The following ZFP2 variants were observed in gnomAD, a reference collection of about 807,000 sequenced individuals.
The protein encoded by ZFP2 is ZFP2 zinc finger protein.
A neutral mutation model predicts 36.1 loss-of-function variants in ZFP2; 33 were observed. The ratio of observed to expected loss-of-function variants is 0.92; its 90% CI spans 0.69 to 1.22. The LOEUF is 1.22. Ranked by LOEUF, ZFP2 falls within the 50% of genes most tolerant of loss-of-function variation. The pLI, the probability that ZFP2 is intolerant of heterozygous loss-of-function variation, is 0.00. For missense variants in ZFP2, 522 were observed against 551.4 expected (o/e 0.95, Z 0.53); for synonymous variants, 170 against 178.0 (o/e 0.96, Z 0.36).
rs1758610586 is a variant in ZFP2 at position 178,923,841 on chromosome 5, T to C, written c.-78+7131T>C. ...GTATACTGAATCCTACTATTAAGTTTTCTGTAGTACAAAAATATGTTTGAA... is the reference window on the plus strand; with the variant it reads ...GTATACTGAATCCTACTATTAAGTTCTCTGTAGTACAAAAATATGTTTGAA... On this transcript the variant is annotated intron_variant, in intron 4 of 4. Transcript: ENST00000361362. Among the ~76,000 whole-genome samples the C allele has an allele frequency of 1.3e-5, 2 of 149,306 alleles. 1 individual carries two copies. The highest frequency in any genetic ancestry group is 3.0e-5 in the Non-Finnish European group (2 of 66,524).
rs749730634 is a variant in ZFP2, at chr5:178,932,337, A to C, written c.1024A>C (p.Thr342Pro). ...AGCTTTCAGTAAGAATTCATCTCTA[A>C]CTCAACATCGGAGAATTCACACTGG... Reference protein sequence around the residue: ...GKAFSKNSSLTQHRRIHTGEK... With the variant: ...GKAFSKNSSLPQHRRIHTGEK... Residue 342 changes from threonine to proline, a missense_variant, in exon 5 of 5, where the codon ACT (threonine) becomes CCT (proline). Coordinates refer to ENST00000361362, the MANE Select transcript of ZFP2 (RefSeq NM_030613.4). The C allele has an allele frequency of 3.7e-6, 6 of 1,614,198 alleles. No homozygotes were observed. The Middle Eastern group carries it at 4.9e-4, about 133-fold the overall frequency.
At chr5:178,918,398 T>C (rs1282375591) in intron 4 of ZFP2, among the ~76,000 whole-genome samples, 2 of 152,146 alleles carry the variant, frequency 1.3e-5, no homozygotes, top group Admixed American at 6.5e-5. Flanking sequence ...GGAAGAAATA[T>C]AAAAGGAGAA....
intron 1 of ZFP2, among the ~76,000 whole-genome samples, chr5:178,900,454 C>T (rs1758032616): frequency 2.9e-5 from 2 of 68,508 alleles, no homozygotes; most frequent in Non-Finnish European, 6.4e-5. Context: ...CCAGTGTCCT[C>T]GTGCCACTTC....
At chr5:178,896,694 A>C (rs1354475440) in intron 1 of ZFP2, among the ~76,000 whole-genome samples, 1 of 152,228 alleles carries the variant, frequency 6.6e-6, no homozygotes, top group Non-Finnish European at 1.5e-5. Flanking sequence ...CTCCATCTGC[A>C]TGGCAGCGTG....
chr5:178,917,823 T>A (rs1044140329), intron 4 of ZFP2, among the ~76,000 whole-genome samples: 1 of 152,210 alleles, frequency 6.6e-6, no homozygotes, highest in African/African-American at 2.4e-5. Flanking sequence ...GGAAAACTGA[T>A]CTAAAATACT....
chr5:178,920,636 CA>C (rs373794810), intron 4 of ZFP2, among the ~76,000 whole-genome samples: 367 of 118,404 alleles, frequency 3.1e-3, no homozygotes, highest in South Asian at 0.016. Flanking sequence ...GACTTCGTCT[CA>C]AAAAAAAAAA....
intron 4 of ZFP2, among the ~76,000 whole-genome samples, chr5:178,925,533 A>G (rs748324441): frequency 2.7e-5 from 4 of 149,628 alleles, no homozygotes; most frequent in Admixed American, 6.7e-5. Context: ...AGTTCCCACT[A>G]TTGCATCTTT....
intron 4 of ZFP2, among the ~76,000 whole-genome samples, chr5:178,930,980 T>A (rs943365819): frequency 6.6e-6 from 1 of 152,202 alleles, no homozygotes; most frequent in Non-Finnish European, 1.5e-5. Context: ...CTGAATGGGC[T>A]CACTCTTTTC....
chr5:178,922,274 A>G lies in ZFP2; in HGVS notation c.-78+5564A>G, dbSNP rs1160609497. 5 of 985,988 alleles carry G rather than the reference A, an allele frequency of 5.1e-6. 1 individual carries two copies. 61.1% of individuals were successfully genotyped at this position (985,988 alleles called of 1,614,324 possible). ...GAAACCAAATACATCCTCTAAAATA[A>G]GTTCATTATCATACAAGGTAACCAG... On this transcript the variant is annotated intron_variant, in intron 4 of 4. Coordinates refer to ENST00000361362, the MANE Select transcript of ZFP2 (RefSeq NM_030613.4).
intron 1 of ZFP2, among the ~76,000 whole-genome samples, chr5:178,896,633 C>T (rs913481091): frequency 2.6e-5 from 4 of 152,178 alleles, no homozygotes; most frequent in African/African-American, 9.6e-5. Flanking sequence ...TAAGCGATTT[C>T]ACTGTAGCAC....
At chr5:178,924,836 A>G (rs10434800) in intron 4 of ZFP2, among the ~76,000 whole-genome samples, 84,638 of 146,932 alleles carry the variant, frequency 0.58, 26,834 homozygotes, top group Non-Finnish European at 0.6. Flanking sequence ...CGACAAGAGC[A>G]AAACTCCATC....
chr5:178,901,622 A>G (rs750963857), intron 1 of ZFP2, among the ~76,000 whole-genome samples: 31 of 152,188 alleles, frequency 2.0e-4, no homozygotes, highest in Non-Finnish European at 3.1e-4. Context: ...TTATAAGGAT[A>G]CCAGTCATAT....
intron 4 of ZFP2, among the ~76,000 whole-genome samples, chr5:178,930,823 A>G (rs1001238103): frequency 6.6e-5 from 10 of 152,342 alleles, no homozygotes; most frequent in South Asian, 4.1e-4. Flanking sequence ...GTAGGAGGAA[A>G]GAAACTTCTG....
At chr5:178,927,736 A>G (rs747147638) in intron 4 of ZFP2, among the ~76,000 whole-genome samples, 8 of 146,936 alleles carry the variant, frequency 5.4e-5, no homozygotes, top group South Asian at 4.3e-4. Flanking sequence ...GGGTTTTGCT[A>G]TGTTGGCCAG....
intron 4 of ZFP2, among the ~76,000 whole-genome samples, chr5:178,923,067 G>C (rs950143246): frequency 1.3e-5 from 2 of 149,452 alleles, no homozygotes; most frequent in African/African-American, 4.9e-5. Flanking sequence ...TTCCCAGATA[G>C]TTGAAATGTA....
At chr5:178,911,372 T>A (rs1192412677) in intron 1 of ZFP2, among the ~76,000 whole-genome samples, 2 of 152,176 alleles carry the variant, frequency 1.3e-5, no homozygotes, top group Non-Finnish European at 2.9e-5. Context: ...AGGCCCACTT[T>A]GATGTGGATT....
Position 178,933,195 on chromosome 5 carries a change from A to G in ZFP2, c.*496A>G, listed in dbSNP as rs1308942068. 1.2e-5 allele frequency: 2 copies of G among 169,298 alleles called. No individual in the cohort carries two copies. The highest frequency in any genetic ancestry group is 4.8e-5 in the African/African-American group (2 of 41,474). 10.5% of individuals were successfully genotyped at this position (169,298 alleles called of 1,614,324 possible). On this transcript the variant is annotated 3_prime_UTR_variant, in exon 5 of 5. Coordinates refer to ENST00000361362, the MANE Select transcript of ZFP2 (RefSeq NM_030613.4). Reference sequence around the variant, plus strand: ...TCTAAAATGCTACAACTCTATAAATATAATGAATGCTGGGAAATCTTTGTT... The same window carrying G: ...TCTAAAATGCTACAACTCTATAAATGTAATGAATGCTGGGAAATCTTTGTT...
At chr5:178,926,760 C>G (rs12520154) in intron 4 of ZFP2, among the ~76,000 whole-genome samples, 1 of 151,926 alleles carries the variant, frequency 6.6e-6, no homozygotes, top group Non-Finnish European at 1.5e-5. Flanking sequence ...CCTGGTGATC[C>G]GTCCACCTCG....
chr5:178,931,312 C>G lies in ZFP2; in HGVS notation c.-2C>G. ...ACTGAAGATTTATGCCATGGGGTAA[C>G]AATGGAAAGGGAAGGTATCTGGCAT... On this transcript the variant is annotated 5_prime_UTR_variant, in exon 5 of 5. Transcript: ENST00000361362. 6.3e-7 allele frequency: 1 copy of G among 1,583,086 alleles called. No homozygotes were observed. Among genetic ancestry groups the G allele is most frequent in the Non-Finnish European group, 8.6e-7 (1 of 1,166,520 alleles).
Sources: gnomAD v4.1 joint callset for allele counts (sites outside exome capture counted in the v4.1 genomes callset) on GRCh38, gnomAD v4.1.1 for gene constraint, MANE v1.5 for transcripts, NCBI Gene and HGNC (gene_info 2026-07-23, HGNC 2026-07-21) for gene names.